Variants in UTRN observed in about 807,000 individuals in gnomAD.
The protein encoded by UTRN is utrophin.
A neutral mutation model predicts 463.9 loss-of-function variants in UTRN; 283 were observed. The observed-to-expected ratio is 0.61, with a 90% CI of 0.55 to 0.67. The LOEUF is 0.67. Among genes scored for constraint, UTRN ranks in the 30% least tolerant of loss-of-function variants. UTRN has a pLI of 0.00. For synonymous variants in UTRN, 1,442 were observed against 1,431.5 expected (o/e 1.01, Z -0.17); for missense variants, 3,922 against 4,084.3 (o/e 0.96, Z 1.08).
At chr6:144,532,568 T>C (rs1264892816) in intron 42 of UTRN, among the ~76,000 whole-genome samples, 1 of 152,196 alleles carries the variant, frequency 6.6e-6, no homozygotes, top group Non-Finnish European at 1.5e-5. Context: ...GTGGGGATTA[T>C]GGGAGGTACA....
In UTRN at chr6:144,659,658, ACTC is replaced by A. The variant is rs1181649134; in HGVS notation, c.7480-18742_7480-18740del. On this transcript the variant is annotated intron_variant, in intron 51 of 74. Coordinates refer to ENST00000367545, the MANE Select transcript of UTRN (RefSeq NM_007124.3). ...TTGGTGTTTCTTCAGCTAAGAGTAC[ACTC>A]CTCCTTCGAACTCTACATAAGTCAT... Among the ~76,000 whole-genome samples, 7 of 146,892 alleles carry A rather than the reference ACTC, an allele frequency of 4.8e-5. No homozygotes were observed. In the South Asian group the frequency reaches 1.1e-3, roughly 23 times the overall value.
intron 50 of UTRN, among the ~76,000 whole-genome samples, chr6:144,573,247 G>C (rs917845650): frequency 2.0e-5 from 3 of 151,960 alleles, no homozygotes; most frequent in Non-Finnish European, 4.4e-5. Flanking sequence ...TTAACCGTAG[G>C]AGCTAATTTT....
chr6:144,531,981 C>T (rs1562533976), intron 42 of UTRN, among the ~76,000 whole-genome samples: 1 of 151,802 alleles, frequency 6.6e-6, no homozygotes, highest in Non-Finnish European at 1.5e-5. Context: ...ACTAAAAATA[C>T]AAAAAATTAG....
chr6:144,822,678 C>A (rs1429640374), intron 66 of UTRN, among the ~76,000 whole-genome samples: 1 of 152,026 alleles, frequency 6.6e-6, no homozygotes, highest in Non-Finnish European at 1.5e-5. Context: ...TTGTCCTTTC[C>A]TTCAAAAGGT....
intron 51 of UTRN, among the ~76,000 whole-genome samples, chr6:144,605,235 C>G (rs1804716762): frequency 6.6e-6 from 1 of 152,080 alleles, no homozygotes; most frequent in Non-Finnish European, 1.5e-5. Flanking sequence ...ATATCCAAAA[C>G]AGCACGGTAC....
At chr6:144,574,799 C>A (rs12214485) in intron 50 of UTRN, among the ~76,000 whole-genome samples, 10,636 of 152,154 alleles carry the variant, frequency 0.07, 940 homozygotes, top group African/African-American at 0.21. Context: ...CCAGGCTGGT[C>A]CTGAACTCCT....
At chr6:144,616,602 C>A (rs1806134386) in intron 51 of UTRN, among the ~76,000 whole-genome samples, 1 of 151,126 alleles carries the variant, frequency 6.6e-6, no homozygotes, top group African/African-American at 2.4e-5. Flanking sequence ...TTCACACAAT[C>A]TAAAATTAAC....
chr6:144,663,174 C>G (rs369726059), intron 51 of UTRN, among the ~76,000 whole-genome samples: 2 of 152,078 alleles, frequency 1.3e-5, no homozygotes, highest in East Asian at 3.9e-4. Flanking sequence ...CATGCCAACT[C>G]GAGTGGTACC....
At chr6:144,849,068 C>T (rs541118511) in intron 74 of UTRN, among the ~76,000 whole-genome samples, 1 of 151,832 alleles carries the variant, frequency 6.6e-6, no homozygotes, top group African/African-American at 2.4e-5. Context: ...CAGGTAGATG[C>T]AGATATTGAT....
chr6:144,549,713 G>C (rs1263169848), intron 47 of UTRN, among the ~76,000 whole-genome samples: 1 of 152,172 alleles, frequency 6.6e-6, no homozygotes, highest in African/African-American at 2.4e-5. Flanking sequence ...TTGGCATCTG[G>C]GACAAAGTGG....
intron 9 of UTRN, among the ~76,000 whole-genome samples, chr6:144,435,641 G>C (rs766989652): frequency 2.0e-5 from 3 of 152,168 alleles, no homozygotes; most frequent in Non-Finnish European, 4.4e-5. Context: ...TCTAATAGCT[G>C]TTCTTCAATT....
chr6:144,451,353 T>C lies in UTRN; in HGVS notation c.2073-17T>C, dbSNP rs1788285547. ...GAAGGAAACATGACAAATGGTCACC[T>C]CTGAATCTTCAAACAGGTTTGATGC... On this transcript the variant is annotated splice_polypyrimidine_tract_variant and intron_variant, in intron 17 of 74. Transcript: ENST00000367545. The C allele has an allele frequency of 1.2e-6, 2 of 1,607,190 alleles. No individual in the cohort carries two copies. Among genetic ancestry groups the C allele is most frequent in the East Asian group, 4.5e-5 (2 of 44,780 alleles).
At chr6:144,553,412 A>G (rs1449861917) in intron 48 of UTRN, among the ~76,000 whole-genome samples, 1 of 152,178 alleles carries the variant, frequency 6.6e-6, no homozygotes, top group Admixed American at 6.5e-5. Flanking sequence ...ATGATAACTC[A>G]GCTGGAATGT....
At chr6:144,310,953 T>A (rs185377292) in intron 2 of UTRN, among the ~76,000 whole-genome samples, 22 of 152,366 alleles carry the variant, frequency 1.4e-4, no homozygotes, top group Admixed American at 1.4e-3. Context: ...CAGGCAGTCA[T>A]GAAATGAGCA....
chr6:144,739,867 A>C (rs558279717), intron 54 of UTRN, among the ~76,000 whole-genome samples: 1 of 152,230 alleles, frequency 6.6e-6, no homozygotes, highest in South Asian at 2.1e-4. Flanking sequence ...GGATTGGCAG[A>C]CCTTCTTCAT....
chr6:144,538,638 C>G (rs1003206271), intron 44 of UTRN, among the ~76,000 whole-genome samples: 10 of 150,610 alleles, frequency 6.6e-5, no homozygotes, highest in Admixed American at 1.3e-4. Flanking sequence ...CCACTGCACT[C>G]CAGCCTGGCT....
rs748399313 is a variant in UTRN at position 144,772,016 on chromosome 6, G to GTTTT, written c.8557+82_8557+85dup. 65 of 127,576 alleles carry GTTTT rather than the reference G, an allele frequency of 5.1e-4. 16 individuals are homozygous for GTTTT. The highest frequency in any genetic ancestry group is 2.2e-3 in the Middle Eastern group (1 of 456). The allele number at this position is 127,576 out of a possible 1,614,324, so 7.9% of individuals were successfully genotyped here. A position where few individuals can be genotyped will look rare whatever the true frequency, so the allele number is the denominator to read the frequency against. On this transcript the variant is annotated intron_variant, in intron 59 of 74. Transcript: ENST00000367545. ...AATTAACCTAAACAACTGAGAACCGGTTTTTTTTTTTTTTTTTTTTTTTTT... is the reference window on the plus strand; with the variant it reads ...AATTAACCTAAACAACTGAGAACCGGTTTTTTTTTTTTTTTTTTTTTTTTTTTTT...
intron 52 of UTRN, among the ~76,000 whole-genome samples, chr6:144,680,071 A>C (rs867553179): frequency 4.5e-4 from 69 of 152,302 alleles, no homozygotes; most frequent in African/African-American, 1.6e-3. Context: ...AATATGAACA[A>C]AAATATTTAA....
chr6:144,362,273 G>A lies in UTRN; in HGVS notation c.80-40850G>A, dbSNP rs146124087. Among the ~76,000 whole-genome samples, 826 of 152,224 alleles carry A rather than the reference G, an allele frequency of 5.4e-3. 6 individuals carry two copies. Among genetic ancestry groups the A allele is most frequent in the Middle Eastern group, 0.014 (4 of 294 alleles). Reference sequence around the variant, plus strand: ...CTGAGGGAGGATAGGTGATGTGCCCGCCCATCCGGTGGCACCCAGTGACCT... The same window carrying A: ...CTGAGGGAGGATAGGTGATGTGCCCACCCATCCGGTGGCACCCAGTGACCT... On this transcript the variant is annotated intron_variant, in intron 2 of 74. Coordinates refer to ENST00000367545, the MANE Select transcript of UTRN (RefSeq NM_007124.3).
Sources: allele counts gnomAD v4.1 joint callset (sites outside exome capture counted in the v4.1 genomes callset), GRCh38; gene constraint gnomAD v4.1.1; transcripts MANE v1.5; gene names NCBI Gene and HGNC (gene_info 2026-07-23, HGNC 2026-07-21).